The following AGBL4 variants were observed in gnomAD, a reference collection of about 807,000 sequenced individuals.
AGBL4 encodes the protein cytosolic carboxypeptidase 6.
In AGBL4, 58 loss-of-function variants were observed where a neutral mutation model predicts 66.4. The ratio of observed to expected loss-of-function variants is 0.87; its 90% CI spans 0.71 to 1.09. The LOEUF (loss-of-function observed/expected upper bound fraction) is 1.09. Among genes scored for constraint, AGBL4 ranks in the 50% least tolerant of loss-of-function variants. The pLI is 0.00. For missense variants in AGBL4, 579 were observed against 631.0 expected (o/e 0.92, Z 0.88); for synonymous variants, 234 against 222.9 (o/e 1.05, Z -0.44).
At chr1:48,742,228 T>C (rs1400132391) in intron 6 of AGBL4, among the ~76,000 whole-genome samples, 1 of 152,212 alleles carries the variant, frequency 6.6e-6, no homozygotes, top group Non-Finnish European at 1.5e-5. Flanking sequence ...TGAGTTGTTA[T>C]CTGTAAATAA....
intron 3 of AGBL4, among the ~76,000 whole-genome samples, chr1:49,486,173 A>T (rs537311098): frequency 6.6e-6 from 1 of 152,132 alleles, no homozygotes; most frequent in Non-Finnish European, 1.5e-5. Context: ...ATCAGATAGC[A>T]AATCAAAGTA....
chr1:49,202,900 C>A (rs1161375023), intron 4 of AGBL4, among the ~76,000 whole-genome samples: 1 of 151,514 alleles, frequency 6.6e-6, no homozygotes, highest in Non-Finnish European at 1.5e-5. Context: ...AGAACTCCTA[C>A]AAATCAAAAA....
intron 3 of AGBL4, among the ~76,000 whole-genome samples, chr1:49,591,433 T>TA (rs944503673): frequency 5.3e-5 from 8 of 151,844 alleles, no homozygotes; most frequent in Non-Finnish European, 7.4e-5. Context: ...ATTGACTGAC[T>TA]AAAAAAAAGA....
intron 9 of AGBL4, among the ~76,000 whole-genome samples, chr1:48,605,417 T>A (rs1645139919): frequency 1.3e-5 from 2 of 152,176 alleles, no homozygotes; most frequent in Admixed American, 1.3e-4. Flanking sequence ...GCTTTGCTCA[T>A]TTTGTTCCCT....
chr1:48,734,643 C>T (rs1648727491), intron 6 of AGBL4, among the ~76,000 whole-genome samples: 2 of 152,204 alleles, frequency 1.3e-5, no homozygotes, highest in African/African-American at 4.8e-5. Context: ...ATACCTGCTG[C>T]TTATTCTGCC....
chr1:49,564,008 G>A (rs909336972), intron 3 of AGBL4, among the ~76,000 whole-genome samples: 3 of 152,148 alleles, frequency 2.0e-5, no homozygotes, highest in Non-Finnish European at 4.4e-5. Context: ...GTCTATTAAG[G>A]GATTCAACTT....
At chr1:50,013,318 G>A (rs554137036) in intron 1 of AGBL4, among the ~76,000 whole-genome samples, 88 of 152,244 alleles carry the variant, frequency 5.8e-4, no homozygotes, top group African/African-American at 8.7e-4. Flanking sequence ...AGTTTCTCTC[G>A]TGAAGCTGAG....
intron 3 of AGBL4, among the ~76,000 whole-genome samples, chr1:49,364,470 T>A (rs1487529896): frequency 1.3e-5 from 2 of 152,080 alleles, no homozygotes; most frequent in East Asian, 3.9e-4. Context: ...AAAACCACCA[T>A]GAGAGTAGTT....
At chr1:49,778,645 G>C (rs959691884) in intron 2 of AGBL4, among the ~76,000 whole-genome samples, 1 of 152,190 alleles carries the variant, frequency 6.6e-6, no homozygotes, top group Non-Finnish European at 1.5e-5. Flanking sequence ...CTGGATAAGG[G>C]AAAGCCTCAA....
chr1:49,403,005 T>C (rs1352773072), intron 3 of AGBL4, among the ~76,000 whole-genome samples: 1 of 152,226 alleles, frequency 6.6e-6, no homozygotes, highest in Non-Finnish European at 1.5e-5. Context: ...ATTGGTTCCA[T>C]TTGGTCTATA....
At chr1:49,271,153 T>C (rs1400680074) in intron 3 of AGBL4, among the ~76,000 whole-genome samples, 4 of 152,178 alleles carry the variant, frequency 2.6e-5, no homozygotes, top group South Asian at 2.1e-4. Flanking sequence ...TGAAGGTAAC[T>C]ATTTATTAAT....
At chr1:49,035,653 C>T (rs184506209) in intron 5 of AGBL4, among the ~76,000 whole-genome samples, 240 of 152,194 alleles carry the variant, frequency 1.6e-3, no homozygotes, top group Admixed American at 3.9e-3. Flanking sequence ...CTGGCACCAG[C>T]TGTGACCAAT....
rs188407611 is a variant in AGBL4, at chr1:49,493,142, T to C, written c.282+204171A>G. On this transcript the variant is annotated intron_variant, in intron 3 of 13. Coordinates refer to ENST00000371839, the MANE Select transcript of AGBL4 (RefSeq NM_032785.4). The stretch of plus-strand genomic sequence containing the variant: ...TCCTTCCCATGACACATGGGGATTA[T>C]GGAAACTACAATTCAGGATGAGATT... Among the ~76,000 whole-genome samples, 237 of 152,104 alleles carry C rather than the reference T, an allele frequency of 1.6e-3. 2 individuals are homozygous for C. The highest frequency in any genetic ancestry group is 4.9e-3 in the African/African-American group (202 of 41,534).
chr1:48,918,450 C>A (rs1653795976), intron 5 of AGBL4, among the ~76,000 whole-genome samples: 1 of 152,160 alleles, frequency 6.6e-6, no homozygotes, highest in Non-Finnish European at 1.5e-5. Context: ...CTGCAATGGG[C>A]TGAATGTTTG....
intron 3 of AGBL4, among the ~76,000 whole-genome samples, chr1:49,347,536 C>A (rs2148514523): frequency 6.6e-6 from 1 of 152,170 alleles, no homozygotes; most frequent in South Asian, 2.1e-4. Context: ...CAGGCGCCCA[C>A]ATGCCATTTT....
chr1:48,766,376 TACTG>T (rs1409339769), intron 6 of AGBL4, among the ~76,000 whole-genome samples: 1 of 152,176 alleles, frequency 6.6e-6, no homozygotes, highest in Non-Finnish European at 1.5e-5. Flanking sequence ...CCAGAATAAA[TACTG>T]AATGAATGAG....
At chr1:49,852,222 A>C (rs910600395) in intron 1 of AGBL4, among the ~76,000 whole-genome samples, 1 of 152,166 alleles carries the variant, frequency 6.6e-6, no homozygotes, top group Admixed American at 6.6e-5. Flanking sequence ...AAATAATCCA[A>C]TATCGAAGGA....
chr1:49,946,742 AT>A (rs1294659627), intron 1 of AGBL4, among the ~76,000 whole-genome samples: 1 of 151,908 alleles, frequency 6.6e-6, no homozygotes, highest in Non-Finnish European at 1.5e-5. Flanking sequence ...AAACAAAAAA[AT>A]ATAAAAGATA....
intron 5 of AGBL4, among the ~76,000 whole-genome samples, chr1:48,873,623 G>A (rs1254205414): frequency 6.6e-6 from 1 of 152,108 alleles, no homozygotes; most frequent in Non-Finnish European, 1.5e-5. Flanking sequence ...CAGATTTGGT[G>A]ATTACTTGCT....
Sources: allele counts gnomAD v4.1 joint callset (sites outside exome capture counted in the v4.1 genomes callset), GRCh38; gene constraint gnomAD v4.1.1; transcripts MANE v1.5; gene names NCBI Gene and HGNC (gene_info 2026-07-23, HGNC 2026-07-21).